Variants in SMIM35 observed in about 807,000 individuals in gnomAD.
SMIM35 encodes the protein TMPRSS4 antisense RNA 1 (non-protein coding).
chr11:118,078,993 T>G (rs564260654), intron 1 of SMIM35, among the ~76,000 whole-genome samples: 4 of 152,106 alleles, frequency 2.6e-5, no homozygotes, highest in African/African-American at 7.2e-5. Flanking sequence ...AAATGACAGC[T>G]GGGTAGTACA....
intron 1 of SMIM35, among the ~76,000 whole-genome samples, chr11:118,081,217 T>C (rs1239871691): frequency 2.0e-5 from 3 of 152,166 alleles, no homozygotes; most frequent in African/African-American, 7.2e-5. Flanking sequence ...GAAGTCCAAT[T>C]GGAAAACATA....
intron 4 of SMIM35, among the ~76,000 whole-genome samples, chr11:118,008,711 C>A (rs2058135192): frequency 6.6e-6 from 1 of 152,168 alleles, no homozygotes; most frequent in Admixed American, 6.5e-5. Context: ...GAAGCAATGC[C>A]CAAGATGTTC....
chr11:118,063,844 C>T (rs1944429048), intron 1 of SMIM35, among the ~76,000 whole-genome samples: 1 of 152,234 alleles, frequency 6.6e-6, no homozygotes, highest in Non-Finnish European at 1.5e-5. Context: ...GTCCCTTACC[C>T]CATATCTCAC....
At chr11:118,053,879 C>T (rs1055252421) in intron 1 of SMIM35, among the ~76,000 whole-genome samples, 1 of 152,260 alleles carries the variant, frequency 6.6e-6, no homozygotes, top group East Asian at 1.9e-4. Context: ...AAGACACAAT[C>T]GCAAACACTG....
intron 1 of SMIM35, among the ~76,000 whole-genome samples, chr11:118,066,728 G>A (rs1944479690): frequency 6.6e-6 from 1 of 151,972 alleles, no homozygotes; most frequent in African/African-American, 2.4e-5. Flanking sequence ...CTACTCAGGA[G>A]GCAAAAGGAT....
intron 1 of SMIM35, among the ~76,000 whole-genome samples, chr11:118,024,847 G>T (rs1030770889): frequency 6.6e-6 from 1 of 152,084 alleles, no homozygotes; most frequent in Non-Finnish European, 1.5e-5. Context: ...GCTGAGGTTT[G>T]GGATACAAAT....
intron 1 of SMIM35, chr11:118,077,444 C>G (rs1050548687): frequency 1.4e-5 from 14 of 1,007,166 alleles, no homozygotes; most frequent in Non-Finnish European, 2.0e-5. Flanking sequence ...CACCCAAATC[C>G]CCTCACACCC....
At chr11:118,062,940 AG>A (rs1402654876) in intron 1 of SMIM35, among the ~76,000 whole-genome samples, 1 of 152,170 alleles carries the variant, frequency 6.6e-6, no homozygotes, top group Non-Finnish European at 1.5e-5. Flanking sequence ...GTTGCAGTAA[AG>A]GAGCTGGCCA....
intron 1 of SMIM35, among the ~76,000 whole-genome samples, chr11:118,051,725 G>A (rs1214035521): frequency 6.6e-6 from 1 of 152,182 alleles, no homozygotes; most frequent in Non-Finnish European, 1.5e-5. Flanking sequence ...ACCACAGGAA[G>A]GGGAGAATAA....
rs1012975842 is a variant in SMIM35 at position 118,044,060 on chromosome 11, A to G, written c.8-28251T>C. On this transcript the variant is annotated intron_variant, in intron 1 of 4. Transcript: ENST00000689828. ...GCTGTTAAAAAAGCGATAAAATGCCAACCTATATTTATCTCTGTCTAAATT... is the reference window on the plus strand; with the variant it reads ...GCTGTTAAAAAAGCGATAAAATGCCGACCTATATTTATCTCTGTCTAAATT... Among the ~76,000 whole-genome samples, 29 of 152,284 alleles carry G rather than the reference A, an allele frequency of 1.9e-4. No individual in the cohort carries two copies. The East Asian group carries it at 2.3e-3, about 12-fold the overall frequency.
chr11:118,024,118 G>A lies in SMIM35; in HGVS notation c.8-8309C>T, dbSNP rs139345322. Among the ~76,000 whole-genome samples the A allele has an allele frequency of 2.6e-3, 394 of 150,146 alleles. 3 individuals are homozygous for A. Among genetic ancestry groups the A allele is most frequent in the African/African-American group, 8.4e-3 (342 of 40,736 alleles). On this transcript the variant is annotated intron_variant, in intron 1 of 4. Coordinates refer to ENST00000689828, the MANE Select transcript of SMIM35 (RefSeq NM_001394165.1). The stretch of plus-strand genomic sequence containing the variant: ...AATTAGATTCCCTGAAGGAGAAAAC[G>A]AGGGAAAACAGAAAAAAAAATTTTG...
chr11:118,046,268 C>A (rs1265243668), intron 1 of SMIM35, among the ~76,000 whole-genome samples: 1 of 152,166 alleles, frequency 6.6e-6, no homozygotes, highest in Non-Finnish European at 1.5e-5. Flanking sequence ...TCACAATTTC[C>A]TATGACATAA....
chr11:118,070,304 G>A (rs1431326782), intron 1 of SMIM35, among the ~76,000 whole-genome samples: 3 of 152,114 alleles, frequency 2.0e-5, no homozygotes, highest in Non-Finnish European at 4.4e-5. Flanking sequence ...GGGCTCCCCA[G>A]TAACTGGGAT....
intron 1 of SMIM35, chr11:118,025,806 T>C (rs56137014): frequency 4.5e-6 from 2 of 444,488 alleles, no homozygotes; most frequent in African/African-American, 2.0e-5. Context: ...ATCAGGTCCC[T>C]TTTGTCAGTT....
rs184084271 is a variant in SMIM35 at position 118,063,611 on chromosome 11, C to T, written c.7+23140G>A. Among the ~76,000 whole-genome samples, 8 of 152,282 alleles carry T rather than the reference C, an allele frequency of 5.3e-5. No individual in the cohort carries two copies. The East Asian group carries it at 1.4e-3, about 26-fold the overall frequency. ...CTTCAGGTAGATCAGGGGCTGATCACCAGAAAGCCCAAGGCAGGATTAGAA... is the reference window on the plus strand; with the variant it reads ...CTTCAGGTAGATCAGGGGCTGATCATCAGAAAGCCCAAGGCAGGATTAGAA... On this transcript the variant is annotated intron_variant, in intron 1 of 4. Coordinates refer to ENST00000689828, the MANE Select transcript of SMIM35 (RefSeq NM_001394165.1).
intron 4 of SMIM35, among the ~76,000 whole-genome samples, chr11:118,007,582 G>A (rs1033867810): frequency 6.6e-6 from 1 of 152,156 alleles, no homozygotes; most frequent in African/African-American, 2.4e-5. Context: ...TTTTAGTAGA[G>A]ACAGGGTTTC....
intron 1 of SMIM35, among the ~76,000 whole-genome samples, chr11:118,035,955 T>G (rs1591289528): frequency 1.3e-5 from 2 of 152,194 alleles, no homozygotes; most frequent in East Asian, 3.9e-4. Flanking sequence ...TGGCACAGTC[T>G]CGGCTCACTA....
intron 1 of SMIM35, among the ~76,000 whole-genome samples, chr11:118,078,108 T>TTTTAC (rs1944832129): frequency 6.6e-6 from 1 of 151,622 alleles, no homozygotes; most frequent in African/African-American, 2.4e-5. Flanking sequence ...TGTGGTCATC[T>TTTTAC]TTTACTTGGT....
intron 1 of SMIM35, among the ~76,000 whole-genome samples, chr11:118,035,338 A>G (rs1235108620): frequency 2.0e-5 from 3 of 151,992 alleles, no homozygotes; most frequent in Admixed American, 2.0e-4. Flanking sequence ...AAAGAGCATT[A>G]ATTTCCATAC....
Sources: allele counts gnomAD v4.1 joint callset (sites outside exome capture counted in the v4.1 genomes callset), GRCh38; gene constraint gnomAD v4.1.1; transcripts MANE v1.5; gene names NCBI Gene and HGNC (gene_info 2026-07-23, HGNC 2026-07-21).